SIRT3: variants seen among roughly 807,000 people sequenced by gnomAD.
The protein encoded by SIRT3 is sirtuin 3, also known as NAD-dependent protein deacetylase sirtuin-3, mitochondrial.
SIRT3 carries 26 observed loss-of-function variants against 33.5 expected under a neutral mutation model. The observed-to-expected ratio is 0.78, with a 90% CI of 0.57 to 1.08. SIRT3 has a LOEUF of 1.08. Ranked by LOEUF, SIRT3 falls within the 50% of genes least tolerant of loss-of-function variation. The pLI is 0.00. For missense variants in SIRT3, 585 were observed against 530.1 expected (o/e 1.10, Z -1.02); for synonymous variants, 237 against 222.1 (o/e 1.07, Z -0.60).
chr11:219,842 G>A lies in SIRT3; in HGVS notation c.970-801C>T, dbSNP rs12803673. 7.2e-3 allele frequency among the ~76,000 whole-genome samples: 1,098 copies of A among 152,124 alleles called. 6 individuals carry two copies. Among genetic ancestry groups the A allele is most frequent in the Non-Finnish European group, 0.012 (818 of 67,976 alleles). ...TAAGGCAAAGGAAAATGACAGATCT[G>A]ACTATGTAAATACTATTATCTCGGT... On this transcript the variant is annotated intron_variant, in intron 5 of 6. Transcript: ENST00000382743.
chr11:233,183 T>G lies in SIRT3; in HGVS notation c.506A>C (p.Gln169Pro), dbSNP rs1230678743. ...SPGSGLYSNL[Q>P]QYDLPYPEAI... is the part of the protein sequence containing the mutation. The stretch of plus-strand genomic sequence containing the variant: ...CTCGGGGTACGGGAGATCGTACTGC[T>G]GGAGGTTGCTGTACAGGCCACTCCC... Residue 169 changes from glutamine to proline, a missense_variant, in exon 3 of 7, where the codon CAG becomes CCG. Physicochemically the swap from Gln to Pro is moderately conservative, Grantham distance 76. Coordinates refer to ENST00000382743, the MANE Select transcript of SIRT3 (RefSeq NM_012239.6). 3 of 1,614,060 alleles carry G rather than the reference T, an allele frequency of 1.9e-6. No individual in the cohort carries two copies. Among genetic ancestry groups the G allele is most frequent in the South Asian group, 1.1e-5 (1 of 91,068 alleles).
At chr11:222,032 A>G (rs1345183788) in intron 5 of SIRT3, among the ~76,000 whole-genome samples, 1 of 152,208 alleles carries the variant, frequency 6.6e-6, no homozygotes, top group Non-Finnish European at 1.5e-5. Flanking sequence ...TAATCAGGAA[A>G]AAGGCCATTT....
intron 1 of SIRT3, 80 bp from the exon 2 acceptor site, chr11:233,614 T>C (rs1340328832): frequency 5.9e-5 from 82 of 1,388,408 alleles, no homozygotes; most frequent in Non-Finnish European, 8.2e-5. Context: ...GGCTCTGCCC[T>C]CTGCACCACC....
rs185287384 is a variant in SIRT3 at position 218,975 on chromosome 11, C to T, written c.1036G>A (p.Asp346Asn). ...SSVPRLLINR[D>N]LVGPLAWHPR... ...TGCCAAGCCAAGGGCCCCACCAAGT[C>T]CCGGTTGATGAGCAGTCGGGGAACT... The change falls in exon 6 of 7, where the codon GAC becomes AAC. Residue 346 changes from aspartate (D) to asparagine (N), a missense_variant. By Grantham distance (23) the Asp-to-Asn change is conservative. Transcript: ENST00000382743. 1 of 1,614,188 alleles carries T rather than the reference C, an allele frequency of 6.2e-7. No homozygotes were observed. Among genetic ancestry groups the T allele is most frequent in the Admixed American group, 1.7e-5 (1 of 60,024 alleles).
Position 223,690 on chromosome 11 carries a change from T to C in SIRT3, c.969+388A>G, listed in dbSNP as rs1296181226. On this transcript the variant is annotated intron_variant, in intron 5 of 6. Transcript: ENST00000382743. The surrounding 1 kb of genome is among the most constrained non-coding windows in gnomAD (Gnocchi z 4.8). ...ATACCACCTCCAAAGCCCAGCAGCT[T>C]CCCACCTTCCTGTCTCCTGCACAGG... The C allele has an allele frequency of 1.5e-6, 1 of 672,324 alleles. No homozygotes were observed. The highest frequency in any genetic ancestry group is 3.2e-5 in the East Asian group (1 of 30,954). 41.6% of individuals were successfully genotyped at this position (672,324 alleles called of 1,614,324 possible).
intron 6 of SIRT3, 175 bp downstream of exon 6, chr11:218,657 T>A (rs1435775935): frequency 1.7e-6 from 2 of 1,167,804 alleles, no homozygotes; most frequent in Non-Finnish European, 2.4e-6. Context: ...CATCTCTAAA[T>A]GGAGGTATTG....
chr11:219,346 G>A lies in SIRT3; in HGVS notation c.970-305C>T, dbSNP rs550482894. 2.6e-5 allele frequency among the ~76,000 whole-genome samples: 4 copies of A among 152,152 alleles called. No individual in the cohort carries two copies. The East Asian group carries it at 7.7e-4, about 29-fold the overall frequency. On this transcript the variant is annotated intron_variant, in intron 5 of 6. Coordinates refer to ENST00000382743, the MANE Select transcript of SIRT3 (RefSeq NM_012239.6). Reference sequence around the variant, plus strand: ...TCCAACCTTCCTGCCTCCTCTTTGTGAGCACGTTCTGTTCTCCCTGTCCTC... The same window carrying A: ...TCCAACCTTCCTGCCTCCTCTTTGTAAGCACGTTCTGTTCTCCCTGTCCTC...
At chr11:228,224 T>C in intron 4 of SIRT3, among the ~76,000 whole-genome samples, 1 of 150,878 alleles carries the variant, frequency 6.6e-6, no homozygotes, top group Middle Eastern at 3.4e-3. Context: ...TTAATTTCTA[T>C]TCACATCCAC....
At chr11:229,752 G>A (rs990895763) in intron 4 of SIRT3, among the ~76,000 whole-genome samples, 11 of 151,778 alleles carry the variant, frequency 7.2e-5, no homozygotes, top group Non-Finnish European at 1.5e-4. Context: ...GTGTAAGACT[G>A]TGTCTCAAAA....
rs201679612 is a variant in SIRT3, at chr11:230,509, G to T, written c.750C>A (p.Thr250=). 18 of 1,538,842 alleles carry T rather than the reference G, an allele frequency of 1.2e-5. 1 individual carries two copies. The highest frequency in any genetic ancestry group is 1.6e-5 in the Non-Finnish European group (18 of 1,142,672). ...PASKLVEAHG[T]FASATCTVCQ... ...AGACTGTGCAGGTGGCAGAGGCAAA[G>T]GTTCCATGAGCTTCAACCAGCTTTG... The change falls in exon 4 of 7, where the codon ACC becomes ACA. Residue 250 remains threonine (T), a synonymous_variant. Transcript: ENST00000382743.
intron 6 of SIRT3, among the ~76,000 whole-genome samples, chr11:217,685 G>A (rs902560818): frequency 1.1e-4 from 17 of 152,356 alleles, no homozygotes; most frequent in Non-Finnish European, 1.6e-4. Flanking sequence ...GGAGAGTGCT[G>A]ACCCCATGGC....
At position 216,049 on chromosome 11, in the gene SIRT3, G is replaced by C. The variant is rs997039776; in HGVS notation, c.*649C>G. On this transcript the variant is annotated 3_prime_UTR_variant, in exon 7 of 7. Coordinates refer to ENST00000382743, the MANE Select transcript of SIRT3 (RefSeq NM_012239.6). ...CTGGGCCGTCTCCAATAAATCCAGG[G>C]ACAAATGCCTTCAGTCCTCAGACTG... 1 of 152,686 alleles carries C rather than the reference G, an allele frequency of 6.5e-6. No homozygotes were observed. Among genetic ancestry groups the C allele is most frequent in the African/African-American group, 2.4e-5 (1 of 41,422 alleles). 9.5% of individuals were successfully genotyped at this position (152,686 alleles called of 1,614,324 possible).
intron 4 of SIRT3, among the ~76,000 whole-genome samples, chr11:226,690 G>A (rs1422437674): frequency 1.3e-5 from 2 of 151,690 alleles, no homozygotes; most frequent in Non-Finnish European, 2.9e-5. Flanking sequence ...TTACAGGCAG[G>A]AGCCACCGCG....
In SIRT3 at chr11:219,019, G is replaced by A. The variant is rs1211990693; in HGVS notation, c.992C>T (p.Thr331Ile). Residue 331 changes from threonine (T) to isoleucine (I), a missense_variant, in exon 6 of 7, where the codon ACC (threonine) becomes ATC (isoleucine). Thr to Ile is a moderately conservative substitution (Grantham distance 89). Transcript: ENST00000382743. ...SLEVEPFASLTEAVRSSVPRL... is the reference protein window; with the variant it reads ...SLEVEPFASLIEAVRSSVPRL... ...GGGAACTGAGCTCCGCACGGCCTCG[G>A]TCAAGCTGGCAAAAGGCTCCACCTG... 6.2e-7 allele frequency: 1 copy of A among 1,613,432 alleles called. No homozygotes were observed. The highest frequency in any genetic ancestry group is 8.5e-7 in the Non-Finnish European group (1 of 1,179,854).
At chr11:231,299 G>C (rs963341837) in intron 3 of SIRT3, among the ~76,000 whole-genome samples, 1 of 152,034 alleles carries the variant, frequency 6.6e-6, no homozygotes, top group African/African-American at 2.4e-5. Flanking sequence ...AGCCAGGCAT[G>C]GTAGTGCATG....
rs539589349 is a variant in SIRT3, at chr11:230,846, G to A, written c.707-294C>T. 119 of 221,526 alleles carry A rather than the reference G, an allele frequency of 5.4e-4. No homozygotes were observed. In the South Asian group the frequency reaches 0.015, roughly 28 times the overall value. The allele number at this position is 221,526 out of a possible 1,614,324, so 13.7% of individuals were successfully genotyped here. A position where few individuals can be genotyped will look rare whatever the true frequency, so the allele number is the denominator to read the frequency against. On this transcript the variant is annotated intron_variant, in intron 3 of 6. Transcript: ENST00000382743. ...AGCTCAAATAAAATTATATCCAGCC[G>A]GGCACAGTGGCCCACACCTGTAATC...
chr11:223,785 G>A lies in SIRT3; in HGVS notation c.969+293C>T, dbSNP rs1856751161. The A allele has an allele frequency of 9.0e-7, 1 of 1,105,968 alleles. No individual in the cohort carries two copies. Among genetic ancestry groups the A allele is most frequent in the Admixed American group, 1.7e-5 (1 of 58,734 alleles). 68.5% of individuals were successfully genotyped at this position (1,105,968 alleles called of 1,614,324 possible). ...TCCCAAAGTGGCACCAGCCCTGGAA[G>A]GGCCCATGAGATGACTCCTGTACCC... On this transcript the variant is annotated intron_variant, in intron 5 of 6. Transcript: ENST00000382743. This position sits in a 1 kb window ranked among gnomAD's most constrained non-coding sequence, Gnocchi z 4.8.
intron 4 of SIRT3, among the ~76,000 whole-genome samples, chr11:228,726 A>C (rs1341639366): frequency 2.6e-5 from 4 of 152,258 alleles, no homozygotes; most frequent in African/African-American, 9.6e-5. Context: ...TGAGAAAATA[A>C]ATAGACAAAC....
chr11:235,843 G>A (rs1052912487), intron 1 of SIRT3, among the ~76,000 whole-genome samples: 2 of 152,206 alleles, frequency 1.3e-5, no homozygotes, highest in Admixed American at 6.5e-5. Context: ...CTAAAGGTTA[G>A]AACGTATTTC....
Sources: allele counts gnomAD v4.1 joint callset (sites outside exome capture counted in the v4.1 genomes callset), GRCh38; gene constraint gnomAD v4.1.1; non-coding constraint Gnocchi (gnomAD v3.1); transcripts MANE v1.5; gene names NCBI Gene and HGNC (gene_info 2026-07-23, HGNC 2026-07-21).